SDK1: variants seen among roughly 807,000 people sequenced by gnomAD.
The protein encoded by SDK1 is sidekick cell adhesion molecule 1.
Under a neutral mutation model 245.5 loss-of-function variants are expected in SDK1, and 157 were observed. The observed-to-expected ratio is 0.64, with a 90% CI of 0.56 to 0.73. SDK1 has a LOEUF of 0.73. SDK1 is among the 30% of genes least tolerant of loss of function. The probability of loss-of-function intolerance (pLI) is 0.00; values close to 1 mark genes in which losing one functional copy is unlikely to be tolerated. For missense variants in SDK1, 3,583 were observed against 3,002.3 expected (o/e 1.19, Z -4.52); for synonymous variants, 1,647 against 1,278.5 (o/e 1.29, Z -6.15).
rs113393588 is a variant in SDK1, at chr7:3,468,047, A to G, written c.299-151033A>G. ...ATAATGTAATCTATGCAAGAAATGAATATTTATCTCAGTATTTTAAAATGG... is the reference window on the plus strand; with the variant it reads ...ATAATGTAATCTATGCAAGAAATGAGTATTTATCTCAGTATTTTAAAATGG... On this transcript the variant is annotated intron_variant, in intron 1 of 44. Transcript: ENST00000404826. Among the ~76,000 whole-genome samples, 490 of 152,278 alleles carry G rather than the reference A, an allele frequency of 3.2e-3. 2 individuals carry two copies. Among genetic ancestry groups the G allele is most frequent in the African/African-American group, 0.011 (448 of 41,562 alleles).
intron 1 of SDK1, among the ~76,000 whole-genome samples, chr7:3,369,729 G>A (rs975192800): frequency 1.3e-5 from 2 of 152,232 alleles, no homozygotes; most frequent in African/African-American, 4.8e-5. Context: ...TTTGGAATAA[G>A]CTATGTAAAT....
At chr7:3,624,538 GAAGT>G (rs1782052424) in intron 2 of SDK1, among the ~76,000 whole-genome samples, 1 of 152,068 alleles carries the variant, frequency 6.6e-6, no homozygotes, top group Non-Finnish European at 1.5e-5. Flanking sequence ...ATTTTCTGGG[GAAGT>G]AACTGATGAA....
intron 1 of SDK1, among the ~76,000 whole-genome samples, chr7:3,420,958 A>C (rs568890182): frequency 2.0e-5 from 3 of 152,224 alleles, no homozygotes; most frequent in South Asian, 2.1e-4. Flanking sequence ...CCCTGTGTCC[A>C]TGTAAGAACA....
chr7:4,078,089 A>G (rs2128177918), intron 21 of SDK1, among the ~76,000 whole-genome samples: 1 of 152,324 alleles, frequency 6.6e-6, no homozygotes, highest in African/African-American at 2.4e-5. Context: ...GTCTGGAGCC[A>G]CAGAGTGGAG....
At chr7:3,511,527 GT>G (rs1782577246) in intron 1 of SDK1, among the ~76,000 whole-genome samples, 1 of 152,026 alleles carries the variant, frequency 6.6e-6, no homozygotes, top group South Asian at 2.1e-4. Flanking sequence ...TAGTCAAATT[GT>G]CAGACTCTGT....
At chr7:4,012,057 A>G in intron 15 of SDK1, 38 bp from the exon 16 acceptor site, 194 of 1,270,058 alleles carry the variant, frequency 1.5e-4, no homozygotes, top group Middle Eastern at 2.0e-4. Context: ...TGTTTCTGGT[A>G]CTCATCTCTC....
chr7:3,806,396 T>TTAGGATG (rs1199152101), intron 4 of SDK1, among the ~76,000 whole-genome samples: 25 of 141,892 alleles, frequency 1.8e-4, no homozygotes, highest in Admixed American at 3.6e-4. Context: ...GTGGATGTCC[T>TTAGGATG]TGGGGGCCCT....
chr7:4,121,391 C>G (rs1029039124), intron 25 of SDK1, among the ~76,000 whole-genome samples: 6 of 152,110 alleles, frequency 3.9e-5, no homozygotes, highest in Admixed American at 3.9e-4. Flanking sequence ...TTCCGCCATG[C>G]TGTTCTCATG....
At chr7:3,716,580 T>G (rs1169601798) in intron 4 of SDK1, among the ~76,000 whole-genome samples, 1 of 151,914 alleles carries the variant, frequency 6.6e-6, no homozygotes, top group East Asian at 1.9e-4. Flanking sequence ...GGCAAGGTAG[T>G]GAGACCCCAT....
At chr7:4,004,296 T>G (rs1583798329) in intron 14 of SDK1, among the ~76,000 whole-genome samples, 1 of 152,218 alleles carries the variant, frequency 6.6e-6, no homozygotes, top group South Asian at 2.1e-4. Flanking sequence ...GAGCTAATAC[T>G]TATATTTCAG....
intron 9 of SDK1, among the ~76,000 whole-genome samples, chr7:3,964,375 AG>A (rs1292982652): frequency 2.0e-5 from 3 of 152,224 alleles, no homozygotes; most frequent in Admixed American, 6.5e-5. Flanking sequence ...GAGGAGAAGT[AG>A]AAAAAACTCC....
chr7:3,338,086 C>T (rs1322926597), intron 1 of SDK1: 2 of 184,208 alleles, frequency 1.1e-5, no homozygotes, highest in East Asian at 1.3e-4. Context: ...GGGGAAGGGC[C>T]TTTTGGCTGG....
chr7:3,453,634 C>T (rs567579385), intron 1 of SDK1, among the ~76,000 whole-genome samples: 1 of 152,178 alleles, frequency 6.6e-6, no homozygotes, highest in African/African-American at 2.4e-5. Context: ...AGCAGATTTC[C>T]CCTTAGAGCC....
intron 32 of SDK1, among the ~76,000 whole-genome samples, chr7:4,162,391 TTA>T (rs1431964234): frequency 2.0e-5 from 3 of 147,110 alleles, no homozygotes; most frequent in Admixed American, 6.8e-5. Context: ...ATTATTATTA[TTA>T]TTATTATTAT....
intron 5 of SDK1, among the ~76,000 whole-genome samples, chr7:3,939,195 G>T (rs565852724): frequency 2.6e-5 from 4 of 152,234 alleles, no homozygotes; most frequent in Non-Finnish European, 4.4e-5. Flanking sequence ...ATCTTTTGGG[G>T]TTGGGTTTGT....
chr7:3,974,247 T>A (rs1390550056), intron 12 of SDK1, 122 bp from the exon 13 acceptor site: 3 of 703,044 alleles, frequency 4.3e-6, no homozygotes, highest in Non-Finnish European at 4.7e-6. Context: ...AAGAGCACAG[T>A]TCAGTGGTTT....
chr7:3,671,212 T>C (rs574333325), intron 4 of SDK1, among the ~76,000 whole-genome samples: 1 of 152,356 alleles, frequency 6.6e-6, no homozygotes, highest in African/African-American at 2.4e-5. Flanking sequence ...TGTCTGTTTC[T>C]GACTTTAAAT....
chr7:3,498,827 C>A (rs1051663747), intron 1 of SDK1, among the ~76,000 whole-genome samples: 14 of 151,702 alleles, frequency 9.2e-5, no homozygotes, highest in Non-Finnish European at 1.5e-4. Flanking sequence ...TCCACATGGT[C>A]ATTTCCAACT....
At chr7:4,204,825 G>C (rs79040467) in intron 35 of SDK1, among the ~76,000 whole-genome samples, 5,410 of 152,286 alleles carry the variant, frequency 0.036, 128 homozygotes, top group South Asian at 0.082. Context: ...TGGGAGGAGG[G>C]AGTAGCAGAG....
Sources: gnomAD v4.1 joint callset for allele counts (sites outside exome capture counted in the v4.1 genomes callset) on GRCh38, gnomAD v4.1.1 for gene constraint, MANE v1.5 for transcripts, NCBI Gene and HGNC (gene_info 2026-07-23, HGNC 2026-07-21) for gene names.